The following PPP1R12C variants were observed in gnomAD, a reference collection of about 807,000 sequenced individuals.
The protein encoded by PPP1R12C is protein phosphatase 1 regulatory subunit 12C, also known as leukocyte receptor cluster (LRC) encoded novel gene 3.
Under a neutral mutation model 95.6 loss-of-function variants are expected in PPP1R12C, and 48 were observed. The observed-to-expected ratio is 0.50, with a 90% confidence interval of 0.40 to 0.64. The LOEUF is 0.64. PPP1R12C is among the 30% of genes least tolerant of loss of function. The pLI is 0.00. For missense variants in PPP1R12C, 1,057 were observed against 1,083.3 expected (o/e 0.98, Z 0.34); for synonymous variants, 480 against 460.8 (o/e 1.04, Z -0.53).
chr19:55,092,151 A>C, intron 19 of PPP1R12C, 71 bp downstream of exon 19: 1 of 1,376,788 alleles, frequency 7.3e-7, no homozygotes, highest in Non-Finnish European at 9.9e-7. Context: ...GCCAGGCTCT[A>C]CCTCCCAGCA....
chr19:55,095,015 C>T, intron 11 of PPP1R12C: 1 of 701,802 alleles, frequency 1.4e-6, no homozygotes, highest in East Asian at 2.7e-5. Flanking sequence ...AGTGCGAGAA[C>T]TGAGAGCGGG....
chr19:55,117,426 C>G lies in PPP1R12C; in HGVS notation c.118G>C (p.Gly40Arg). The stretch of plus-strand genomic sequence containing the variant: ...CGGACGGTGCGGGCGCGGCGCTCTC[C>G]GGGGCCAGGCTCGGCGCCCGCCCGC... Reference protein sequence around the residue: ...GARAGAEPGPGERRARTVRFE... With the variant: ...GARAGAEPGPRERRARTVRFE... The change falls in exon 1 of 22, where the codon GGA (glycine) becomes CGA (arginine). Residue 40 changes from glycine (G) to arginine (R), a missense_variant. By Grantham distance (125) the Gly-to-Arg change is moderately radical. Coordinates refer to ENST00000263433, the MANE Select transcript of PPP1R12C (RefSeq NM_017607.4). The G allele has an allele frequency of 1.0e-6, 1 of 1,003,776 alleles. No homozygotes were observed. Among genetic ancestry groups the G allele is most frequent in the African/African-American group, 1.8e-5 (1 of 57,010 alleles). 62.2% of individuals were successfully genotyped at this position (1,003,776 alleles called of 1,614,324 possible).
rs995768865 is a variant in PPP1R12C, at chr19:55,096,352, G to A, written c.952-17C>T. On this transcript the variant is annotated splice_polypyrimidine_tract_variant and intron_variant, in intron 6 of 21. Coordinates refer to ENST00000263433, the MANE Select transcript of PPP1R12C (RefSeq NM_017607.4). ...GTTCCGAAGCTGCAAGGAGGGAAGG[G>A]GGCTGCAGGGGAGGGGTGGAGCACA... 3 of 1,612,630 alleles carry A rather than the reference G, an allele frequency of 1.9e-6. No homozygotes were observed. Among genetic ancestry groups the A allele is most frequent in the Non-Finnish European group, 2.5e-6 (3 of 1,179,438 alleles).
Position 55,095,521 on chromosome 19 carries a change from C to G in PPP1R12C, c.1310G>C (p.Arg437Pro), listed in dbSNP as rs763610881. 1 of 1,584,872 alleles carries G rather than the reference C, an allele frequency of 6.3e-7. No homozygotes were observed. Among genetic ancestry groups the G allele is most frequent in the Non-Finnish European group, 8.6e-7 (1 of 1,165,760 alleles). The stretch of plus-strand genomic sequence containing the variant: ...AGCCCCAGGGGCTCCCTCCGCTGTC[C>G]GCCTTTCAGGGGGACCCAGGGCACC... ...SSGALGPPERRTAEGAPGAGL... is the reference protein window; with the variant it reads ...SSGALGPPERPTAEGAPGAGL... Residue 437 changes from arginine (R) to proline (P), a missense_variant, in exon 10 of 22, where the codon CGG becomes CCG. Arg to Pro is a moderately radical substitution (Grantham distance 103, BLOSUM62 -2). Transcript: ENST00000263433.
chr19:55,095,744 C>T (rs1404733838), intron 9 of PPP1R12C, 123 bp downstream of exon 9: 2 of 1,520,400 alleles, frequency 1.3e-6, no homozygotes, highest in African/African-American at 2.8e-5. Flanking sequence ...AGCCGGTTGT[C>T]CAGGACGACT....
rs771795975 is a variant in PPP1R12C, at chr19:55,093,215, G to T, written c.1702C>A (p.Leu568Met). ...CCTGCAGCCTTCTCTGCCTCCTTCA[G>T]GTCTGTAAGAGTCACACCCTGGCAG... ...RSTQGVTLTDLKEAEKAAGKA... is the reference protein window; with the variant it reads ...RSTQGVTLTDMKEAEKAAGKA... Residue 568 changes from leucine to methionine, a missense_variant, in exon 14 of 22, where the codon CTG (leucine) becomes ATG (methionine). This residue lies in a region of PPP1R12C where 347 missense variants were observed against 307.9 expected (regional missense o/e 1.13). Transcript: ENST00000263433. The T allele has an allele frequency of 1.2e-6, 2 of 1,613,286 alleles. No individual in the cohort carries two copies. The highest frequency in any genetic ancestry group is 8.5e-7 in the Non-Finnish European group (1 of 1,179,932).
intron 1 of PPP1R12C, among the ~76,000 whole-genome samples, chr19:55,115,781 T>C (rs1457104431): frequency 6.6e-6 from 1 of 151,922 alleles, no homozygotes; most frequent in Non-Finnish European, 1.5e-5. Flanking sequence ...CACTGTGGGG[T>C]GGAGGGGACA....
chr19:55,104,359 A>G (rs961914117), intron 3 of PPP1R12C, among the ~76,000 whole-genome samples: 3 of 151,050 alleles, frequency 2.0e-5, no homozygotes, highest in African/African-American at 7.3e-5. Context: ...TATGTAACAT[A>G]TATAGACAGA....
chr19:55,106,585 CA>C (rs2085041133), intron 3 of PPP1R12C, among the ~76,000 whole-genome samples: 2 of 152,332 alleles, frequency 1.3e-5, no homozygotes, highest in Admixed American at 1.3e-4. Flanking sequence ...TCAAATGTTT[CA>C]AAAACACATC....
chr19:55,102,265 G>T (rs1383470089), intron 4 of PPP1R12C, among the ~76,000 whole-genome samples: 1 of 152,212 alleles, frequency 6.6e-6, no homozygotes, highest in Non-Finnish European at 1.5e-5. Flanking sequence ...TGTAACCCCA[G>T]CATTTTGGAA....
Position 55,092,695 on chromosome 19 carries a change from T to C in PPP1R12C, c.1912-33A>G, listed in dbSNP as rs757970203. 3.9e-6 allele frequency: 6 copies of C among 1,530,674 alleles called. 1 individual carries two copies. In the South Asian group the frequency reaches 7.6e-5, roughly 19 times the overall value. 94.8% of individuals were successfully genotyped at this position (1,530,674 alleles called of 1,614,324 possible). On this transcript the variant is annotated intron_variant, in intron 16 of 21. Coordinates refer to ENST00000263433, the MANE Select transcript of PPP1R12C (RefSeq NM_017607.4). ...CAGGTAGACGGGGGTTCAATGGGTA[T>C]GGGAGGGACTTTAGCGGGTATGGGA...
intron 11 of PPP1R12C, 162 bp from the exon 12 acceptor site, chr19:55,094,960 C>T (rs2084893013): frequency 4.7e-6 from 4 of 844,950 alleles, no homozygotes; most frequent in Admixed American, 2.2e-5. Context: ...GACCAGCACA[C>T]TACGCAACCG....
chr19:55,115,677 C>CAGG (rs2085145995), intron 1 of PPP1R12C, among the ~76,000 whole-genome samples: 1 of 152,120 alleles, frequency 6.6e-6, no homozygotes, highest in Non-Finnish European at 1.5e-5. Context: ...ATCTGCCTAA[C>CAGG]AGGAGGTGGG....
chr19:55,107,582 C>A (rs1290927263), intron 3 of PPP1R12C, among the ~76,000 whole-genome samples: 1 of 151,920 alleles, frequency 6.6e-6, no homozygotes, highest in East Asian at 1.9e-4. Flanking sequence ...AACCATCACT[C>A]AGCAAACTAT....
chr19:55,100,719 TCTC>T (rs1244661212), intron 4 of PPP1R12C, among the ~76,000 whole-genome samples: 7 of 152,128 alleles, frequency 4.6e-5, no homozygotes, highest in African/African-American at 1.7e-4. Context: ...TTCAAGCAAT[TCTC>T]CTGCCTCAGC....
At chr19:55,098,184 G>A (rs2084943378) in intron 6 of PPP1R12C, among the ~76,000 whole-genome samples, 1 of 152,184 alleles carries the variant, frequency 6.6e-6, no homozygotes, top group Non-Finnish European at 1.5e-5. Flanking sequence ...ACTCCCCCGA[G>A]CTCCTGACAG....
In PPP1R12C at chr19:55,091,133, T is replaced by C. The variant is rs571544695; in HGVS notation, c.*339A>G. The C allele has an allele frequency of 1.3e-4, 46 of 346,784 alleles. No individual in the cohort carries two copies. Among genetic ancestry groups the C allele is most frequent in the African/African-American group, 8.4e-4 (40 of 47,412 alleles). The allele number at this position is 346,784 out of a possible 1,614,324, so 21.5% of individuals were successfully genotyped here. A position where few individuals can be genotyped will look rare whatever the true frequency, so the allele number is the denominator to read the frequency against. On this transcript the variant is annotated 3_prime_UTR_variant, in exon 22 of 22. Coordinates refer to ENST00000263433, the MANE Select transcript of PPP1R12C (RefSeq NM_017607.4). Reference sequence around the variant, plus strand: ...GCTCAGGAGGGGAGGGGTGACGGGGTGGCATCACACGTGAGATGGGGACCT... The same window carrying C: ...GCTCAGGAGGGGAGGGGTGACGGGGCGGCATCACACGTGAGATGGGGACCT...
intron 9 of PPP1R12C, 62 bp from the exon 10 acceptor site, chr19:55,095,665 T>C: frequency 6.6e-7 from 1 of 1,509,698 alleles, no homozygotes; most frequent in South Asian, 1.3e-5. Flanking sequence ...CCTCAAGGGT[T>C]AGCCCCCAAA....
At chr19:55,095,732 G>T (rs1179434149) in intron 9 of PPP1R12C, 129 bp from the exon 10 acceptor site, 1 of 1,515,698 alleles carries the variant, frequency 6.6e-7, no homozygotes, top group Non-Finnish European at 9.1e-7. Flanking sequence ...GCCTAAAAAG[G>T]AAGCCGGTTG....
Sources: allele counts gnomAD v4.1 joint callset (sites outside exome capture counted in the v4.1 genomes callset), GRCh38; gene constraint gnomAD v4.1.1; regional missense constraint gnomAD v4.1.1; transcripts MANE v1.5; gene names NCBI Gene and HGNC (gene_info 2026-07-23, HGNC 2026-07-21).